The following MAN2A1 variants were observed in gnomAD, a reference collection of about 807,000 sequenced individuals.
MAN2A1 encodes alpha-mannosidase 2.
In MAN2A1, 76 loss-of-function variants were observed where a neutral mutation model predicts 142.6. The ratio of observed to expected loss-of-function variants is 0.53; its 90% confidence interval spans 0.44 to 0.65. MAN2A1 has a LOEUF of 0.65. Among genes scored for constraint, MAN2A1 ranks in the 30% least tolerant of loss-of-function variants. MAN2A1 has a pLI of 0.00. For missense variants in MAN2A1, 1,311 were observed against 1,365.1 expected, an observed-to-expected ratio of 0.96 and a Z score of 0.62; for synonymous variants, 559 against 473.2, an observed-to-expected ratio of 1.18 and a Z score of -2.35.
At chr5:109,752,510 G>T (rs191700400) in intron 4 of MAN2A1, among the ~76,000 whole-genome samples, 125 of 152,274 alleles carry the variant, frequency 8.2e-4, no homozygotes, top group Admixed American at 2.4e-3. Context: ...CTAATGGTGG[G>T]TAGAGGTCGG....
Position 109,867,288 on chromosome 5 carries a change from C to T in MAN2A1, c.*290C>T, listed in dbSNP as rs1459501378. On this transcript the variant is annotated 3_prime_UTR_variant, in exon 22 of 22. Transcript: ENST00000261483. ...GAAATATTTAAAGACAGCCTCTCAA[C>T]AGATTGTATCTCAGGTTAAATGCTA... 4.9e-6 allele frequency: 1 copy of T among 203,176 alleles called. No individual in the cohort carries two copies. The highest frequency in any genetic ancestry group is 9.8e-6 in the Non-Finnish European group (1 of 102,176). 12.6% of individuals were successfully genotyped at this position (203,176 alleles called of 1,614,324 possible).
chr5:109,823,595 C>T (rs1354587206), intron 15 of MAN2A1, 128 bp from the exon 16 acceptor site: 1 of 563,082 alleles, frequency 1.8e-6, no homozygotes, highest in Non-Finnish European at 3.1e-6. Flanking sequence ...CTTGTAAGAT[C>T]TGGTTTACAC....
At chr5:109,784,975 G>C (rs201151684) in intron 10 of MAN2A1, 49 bp downstream of exon 10, 2 of 1,346,726 alleles carry the variant, frequency 1.5e-6, no homozygotes, top group East Asian at 2.4e-5. Flanking sequence ...TTAAAATTAT[G>C]GGTAATAAGA....
At chr5:109,740,933 C>G (rs1430707246) in intron 4 of MAN2A1, among the ~76,000 whole-genome samples, 1 of 151,836 alleles carries the variant, frequency 6.6e-6, no homozygotes, top group Non-Finnish European at 1.5e-5. Context: ...GGTTATTTTT[C>G]TTAGGTTGAA....
chr5:109,847,842 A>C, intron 19 of MAN2A1, 52 bp downstream of exon 19: 1 of 1,330,950 alleles, frequency 7.5e-7, no homozygotes, highest in Admixed American at 2.9e-5. Flanking sequence ...TTGTCACCCA[A>C]AACTTGAAAT....
intron 16 of MAN2A1, among the ~76,000 whole-genome samples, chr5:109,835,850 C>T (rs1755042397): frequency 6.6e-6 from 1 of 152,102 alleles, no homozygotes; most frequent in Non-Finnish European, 1.5e-5. Flanking sequence ...TGAGATTCTG[C>T]AATTCAGGGT....
rs796425964 is a variant in MAN2A1, at chr5:109,864,261, A to G, written c.3172-775A>G. 3 of 152,370 alleles carry G rather than the reference A, an allele frequency of 2.0e-5. No homozygotes were observed. In the East Asian group the frequency reaches 5.8e-4, roughly 29 times the overall value. 9.4% of individuals were successfully genotyped at this position (152,370 alleles called of 1,614,324 possible). A position where few individuals can be genotyped will look rare whatever the true frequency, so the allele number is the denominator to read the frequency against. On this transcript the variant is annotated intron_variant, in intron 20 of 21. Coordinates refer to ENST00000261483, the MANE Select transcript of MAN2A1 (RefSeq NM_002372.4). Reference sequence around the variant, plus strand: ...ATCATAAACACCTTCCAACTTTAGGAAACAAAATTTATTAAGATAATTGTA... The same window carrying G: ...ATCATAAACACCTTCCAACTTTAGGGAACAAAATTTATTAAGATAATTGTA...
At chr5:109,775,054 C>A (rs1753246854) in intron 8 of MAN2A1, 89 bp downstream of exon 8, 2 of 850,276 alleles carry the variant, frequency 2.4e-6, no homozygotes, top group Non-Finnish European at 1.8e-6. Context: ...GCTTCTTTGT[C>A]CTACATCACA....
intron 19 of MAN2A1, chr5:109,853,938 A>G (rs1352609286): frequency 2.6e-5 from 4 of 151,876 alleles, no homozygotes; most frequent in East Asian, 1.9e-4. Context: ...TTCTCTCTCC[A>G]TAGTCTGAAA....
At chr5:109,857,404 G>A (rs1288612044) in intron 20 of MAN2A1, among the ~76,000 whole-genome samples, 2 of 152,152 alleles carry the variant, frequency 1.3e-5, no homozygotes, top group Non-Finnish European at 2.9e-5. Context: ...ATAGAGTGGA[G>A]GGCATCAAAT....
intron 20 of MAN2A1, among the ~76,000 whole-genome samples, chr5:109,860,197 A>AG (rs962661784): frequency 6.6e-6 from 1 of 152,040 alleles, no homozygotes; most frequent in Non-Finnish European, 1.5e-5. Flanking sequence ...GAAAATTGTG[A>AG]GAAAAAAAAA....
chr5:109,823,905 C>T (rs1754694305), intron 16 of MAN2A1, 68 bp downstream of exon 16: 3 of 715,540 alleles, frequency 4.2e-6, no homozygotes, highest in Admixed American at 5.8e-5. Context: ...TTTTCTTATG[C>T]CATTCTTAAA....
chr5:109,862,787 C>A (rs1449785533), intron 20 of MAN2A1: 1 of 152,138 alleles, frequency 6.6e-6, no homozygotes, highest in African/African-American at 2.4e-5. Context: ...CTGATACTTT[C>A]ATGAATATTT....
intron 19 of MAN2A1, among the ~76,000 whole-genome samples, chr5:109,848,372 G>T (rs185857372): frequency 6.6e-6 from 1 of 152,258 alleles, no homozygotes; most frequent in East Asian, 1.9e-4. Context: ...AGAGTTCTCC[G>T]TAAGTTATTG....
At chr5:109,832,868 C>T (rs1754956218) in intron 16 of MAN2A1, among the ~76,000 whole-genome samples, 1 of 146,122 alleles carries the variant, frequency 6.8e-6, no homozygotes, top group Non-Finnish European at 1.5e-5. Context: ...CTCCTCACTT[C>T]CCAGACGGGG....
At chr5:109,705,540 G>A (rs1561469183) in intron 1 of MAN2A1, among the ~76,000 whole-genome samples, 1 of 152,092 alleles carries the variant, frequency 6.6e-6, no homozygotes, top group African/African-American at 2.4e-5. Context: ...GGAGATTTGG[G>A]CAAGAATTTC....
At chr5:109,701,612 G>A (rs1308961530) in intron 1 of MAN2A1, among the ~76,000 whole-genome samples, 2 of 152,202 alleles carry the variant, frequency 1.3e-5, no homozygotes, top group Non-Finnish European at 2.9e-5. Flanking sequence ...TGGTAGCTGT[G>A]TGTAGGAAGA....
intron 12 of MAN2A1, among the ~76,000 whole-genome samples, chr5:109,803,781 T>C (rs529224581): frequency 2.0e-5 from 3 of 152,190 alleles, no homozygotes; most frequent in East Asian, 1.9e-4. Flanking sequence ...CTAGATAATA[T>C]AAATTTTGAA....
At chr5:109,832,253 T>C (rs528308193) in intron 16 of MAN2A1, among the ~76,000 whole-genome samples, 100 of 143,010 alleles carry the variant, frequency 7.0e-4, no homozygotes, top group South Asian at 1.6e-3. Flanking sequence ...AGGACAATAG[T>C]GGAGGGAAGG....
Sources: allele counts gnomAD v4.1 joint callset (sites outside exome capture counted in the v4.1 genomes callset), GRCh38; gene constraint gnomAD v4.1.1; transcripts MANE v1.5; gene names NCBI Gene and HGNC (gene_info 2026-07-23, HGNC 2026-07-21).